The following RAB3IP variants were observed in gnomAD, a reference collection of about 807,000 sequenced individuals.
RAB3IP encodes the protein RAB3A interacting protein, also known as rab-3A-interacting protein.
In RAB3IP, 36 loss-of-function variants were observed where a neutral mutation model predicts 59.1. That is an observed-to-expected ratio of 0.61 (90% CI 0.47 to 0.80). RAB3IP has a LOEUF of 0.80. Among genes scored for constraint, RAB3IP ranks in the 30% least tolerant of loss-of-function variants. The pLI is 0.00. For missense variants in RAB3IP, 511 were observed against 536.0 expected (o/e 0.95, Z 0.46); for synonymous variants, 207 against 191.2 (o/e 1.08, Z -0.68).
At chr12:69,789,582 T>C (rs1448350173) in intron 4 of RAB3IP, among the ~76,000 whole-genome samples, 1 of 152,150 alleles carries the variant, frequency 6.6e-6, no homozygotes, top group African/African-American at 2.4e-5. Context: ...TCCAAACTCA[T>C]TTTATGAGGC....
chr12:69,804,173 T>C (rs1232818429), intron 8 of RAB3IP, among the ~76,000 whole-genome samples: 2 of 152,218 alleles, frequency 1.3e-5, no homozygotes, highest in African/African-American at 4.8e-5. Context: ...GTTTCCTGAC[T>C]GTTTAATGAT....
At chr12:69,769,282 A>G (rs190131005) in intron 3 of RAB3IP, among the ~76,000 whole-genome samples, 38 of 152,272 alleles carry the variant, frequency 2.5e-4, no homozygotes, top group African/African-American at 8.7e-4. Flanking sequence ...TTGGTCCTGG[A>G]TTTGGGAACA....
intron 8 of RAB3IP, among the ~76,000 whole-genome samples, chr12:69,803,328 A>G (rs1454946189): frequency 6.6e-6 from 1 of 152,076 alleles, no homozygotes; most frequent in Non-Finnish European, 1.5e-5. Context: ...CCTTTATGAA[A>G]TGTGAAGTGT....
intron 1 of RAB3IP, among the ~76,000 whole-genome samples, chr12:69,754,169 T>C (rs1017039196): frequency 6.6e-6 from 1 of 152,154 alleles, no homozygotes; most frequent in Non-Finnish European, 1.5e-5. Flanking sequence ...TTATCCAGGA[T>C]TGGATCCTGT....
intron 4 of RAB3IP, among the ~76,000 whole-genome samples, chr12:69,790,556 G>A (rs544234428): frequency 6.6e-6 from 1 of 151,992 alleles, no homozygotes; most frequent in South Asian, 2.1e-4. Context: ...AAGTTCATAT[G>A]GAGCTACAAA....
intron 7 of RAB3IP, 34 bp downstream of exon 7, chr12:69,800,371 T>C: frequency 7.5e-7 from 1 of 1,337,154 alleles, no homozygotes; most frequent in South Asian, 1.4e-5. Context: ...GAATTCATTA[T>C]AGTTGTTTCT....
intron 1 of RAB3IP, among the ~76,000 whole-genome samples, chr12:69,750,008 C>G (rs1868974527): frequency 1.3e-5 from 2 of 152,246 alleles, no homozygotes; most frequent in East Asian, 3.9e-4. Context: ...TAATTCAAAA[C>G]TAAGAGAAAC....
rs557445627 is a variant in RAB3IP, at chr12:69,742,924, G to A, written c.-26+3893G>A. On this transcript the variant is annotated intron_variant, in intron 1 of 10. Coordinates refer to ENST00000247833, the MANE Select transcript of RAB3IP (RefSeq NM_022456.5). ...AACACGAAATTAGATAACTATAGCC[G>A]TAAACTGATATTACTTAGAGGAAAA... Among the ~76,000 whole-genome samples, 4 of 152,276 alleles carry A rather than the reference G, an allele frequency of 2.6e-5. No individual in the cohort carries two copies. In the South Asian group the frequency reaches 6.2e-4, roughly 24 times the overall value.
At chr12:69,739,896 G>A (rs1457650643) in intron 1 of RAB3IP, 8 of 1,612,138 alleles carry the variant, frequency 5.0e-6, no homozygotes, top group Middle Eastern at 1.6e-4. Context: ...CACGAGCGCT[G>A]AGTTAGTTAG....
At chr12:69,793,030 T>A (rs1876883590) in intron 4 of RAB3IP, among the ~76,000 whole-genome samples, 1 of 152,192 alleles carries the variant, frequency 6.6e-6, no homozygotes, top group Admixed American at 6.5e-5. Flanking sequence ...ATTAGCTGTG[T>A]TTATTATTTT....
In RAB3IP at chr12:69,801,695, T is replaced by C. The variant is rs1878411713; in HGVS notation, c.1104T>C (p.Ala368=). Residue 368 remains alanine, a synonymous_variant, in exon 8 of 11, where the codon GCT becomes GCC. Coordinates refer to ENST00000247833, the MANE Select transcript of RAB3IP (RefSeq NM_022456.5). ...VGLQPIRFVK[A]SAVECGGPKK... ...TACAACCTATCCGGTTTGTGAAAGC[T>C]TCTGCAGTTGAATGCGGAGGACCAA... 6.2e-7 allele frequency: 1 copy of C among 1,612,626 alleles called. No individual in the cohort carries two copies. The highest frequency in any genetic ancestry group is 8.5e-7 in the Non-Finnish European group (1 of 1,178,970).
chr12:69,784,843 G>T, intron 4 of RAB3IP, 28 bp downstream of exon 4: 1 of 1,291,536 alleles, frequency 7.7e-7, no homozygotes, highest in Non-Finnish European at 1.1e-6. Context: ...TTGGCCAACA[G>T]CAACATCTTG....
chr12:69,754,345 A>G (rs935040814), intron 1 of RAB3IP, among the ~76,000 whole-genome samples: 5 of 81,632 alleles, frequency 6.1e-5, no homozygotes, highest in African/African-American at 1.6e-4. Flanking sequence ...ATACACGGGC[A>G]CACACACACA....
intron 3 of RAB3IP, among the ~76,000 whole-genome samples, chr12:69,769,842 A>T (rs1202718421): frequency 1.3e-5 from 2 of 152,322 alleles, no homozygotes; most frequent in South Asian, 4.1e-4. Context: ...GAAATCAGTA[A>T]AAGTCAAAAT....
chr12:69,739,985 C>A, intron 1 of RAB3IP: 3 of 904,722 alleles, frequency 3.3e-6, no homozygotes, highest in Non-Finnish European at 3.5e-6. Context: ...TCTCCTGTTT[C>A]ACCCCAACTC....
At chr12:69,743,408 A>G (rs948388786) in intron 1 of RAB3IP, among the ~76,000 whole-genome samples, 3 of 152,242 alleles carry the variant, frequency 2.0e-5, no homozygotes, top group African/African-American at 7.2e-5. Flanking sequence ...CCTAAGATAA[A>G]TAAAGATACC....
chr12:69,775,071 G>A (rs374340750), intron 3 of RAB3IP, among the ~76,000 whole-genome samples: 1 of 51,298 alleles, frequency 1.9e-5, no homozygotes, highest in African/African-American at 6.0e-5. Context: ...ATTTGTTTGT[G>A]TTCTCTTTTA....
rs1881252464 is a variant in RAB3IP, at chr12:69,817,497, T to C, written c.*2051T>C. On this transcript the variant is annotated 3_prime_UTR_variant, in exon 11 of 11. Transcript: ENST00000247833. The stretch of plus-strand genomic sequence containing the variant: ...TAAAAGAATATAAGTTATGGTATAT[T>C]ATAAATTCTTAATTTAGAAATCGTG... The C allele has an allele frequency of 6.6e-6, 1 of 151,984 alleles. No individual in the cohort carries two copies. Among genetic ancestry groups the C allele is most frequent in the African/African-American group, 2.4e-5 (1 of 41,388 alleles). 9.4% of individuals were successfully genotyped at this position (151,984 alleles called of 1,614,324 possible). A position where few individuals can be genotyped will look rare whatever the true frequency, so the allele number is the denominator to read the frequency against.
In RAB3IP at chr12:69,818,502, T is replaced by TA. The variant is rs1881374393; in HGVS notation, c.*3057dup. ...GTCAGCAATTTCACTTTTCAGTATA[T>TA]ACTTGAGAAATGCTTGCACAGGTCC... On this transcript the variant is annotated 3_prime_UTR_variant, in exon 11 of 11. Transcript: ENST00000247833. 1 of 151,476 alleles carries TA rather than the reference T, an allele frequency of 6.6e-6. No homozygotes were observed. Among genetic ancestry groups the TA allele is most frequent in the Admixed American group, 6.6e-5 (1 of 15,222 alleles). 9.4% of individuals were successfully genotyped at this position (151,476 alleles called of 1,614,324 possible).
Sources: gnomAD v4.1 joint callset for allele counts (sites outside exome capture counted in the v4.1 genomes callset) on GRCh38, gnomAD v4.1.1 for gene constraint, MANE v1.5 for transcripts, NCBI Gene and HGNC (gene_info 2026-07-23, HGNC 2026-07-21) for gene names.